The following COL12A1 variants were observed in gnomAD, a reference collection of about 807,000 sequenced individuals.
COL12A1 encodes collagen type XII alpha 1 chain.
Under a neutral mutation model 349.7 loss-of-function variants are expected in COL12A1, and 114 were observed. That is an observed-to-expected ratio of 0.33 (90% CI 0.28 to 0.38). The LOEUF is 0.38. Among genes scored for constraint, COL12A1 ranks in the 10% least tolerant of loss-of-function variants. The probability of loss-of-function intolerance (pLI) is 1.00; values close to 1 mark genes in which losing one functional copy is unlikely to be tolerated. For synonymous variants in COL12A1, 1,369 were observed against 1,329.0 expected (o/e 1.03, Z -0.66); for missense variants, 3,284 against 3,756.9 (o/e 0.87, Z 3.29).
rs7758152 is a variant in COL12A1 at position 75,106,124 on chromosome 6, C to T, written c.8178+295G>A. ...TGGCTTGTTTTGTAAAATGCTGATA[C>T]TTTACAAGCAATAAGAGGGCTTTAC... On this transcript the variant is annotated intron_variant, in intron 53 of 65. Transcript: ENST00000322507. 0.088 allele frequency among the ~76,000 whole-genome samples: 13,352 copies of T among 152,144 alleles called. 1,234 individuals carry two copies. Among genetic ancestry groups the T allele is most frequent in the African/African-American group, 0.23 (9,419 of 41,474 alleles).
intron 63 of COL12A1, 103 bp from the exon 64 acceptor site, chr6:75,089,277 G>A (rs767251164): frequency 5.0e-5 from 42 of 845,386 alleles, no homozygotes; most frequent in Non-Finnish European, 7.5e-5. Context: ...CATTTCCTTA[G>A]TGAAAGCAGA....
In COL12A1 at chr6:75,090,291, C is replaced by T. The variant is rs1297527403; in HGVS notation, c.8760G>A (p.Met2920Ile). Residue 2920 changes from methionine (M) to isoleucine (I), a missense_variant, in exon 63 of 66, where the codon ATG becomes ATA. Coordinates refer to ENST00000322507, the MANE Select transcript of COL12A1 (RefSeq NM_004370.6). The surrounding 1 kb of genome is among the most constrained non-coding windows in gnomAD (Gnocchi z 4.1). ...QVCEQLISGQ[M>I]NRFNQMLNQI... ...GATTCAGCATCTGATTGAATCTGTT[C>T]ATCTGACCTACAAGCAGAAATAAGG... 2 of 1,604,092 alleles carry T rather than the reference C, an allele frequency of 1.2e-6. No homozygotes were observed. The highest frequency in any genetic ancestry group is 2.2e-5 in the South Asian group (2 of 90,640).
At chr6:75,134,651 T>C (rs1766491148) in intron 32 of COL12A1, 75 bp downstream of exon 32, 1 of 1,331,298 alleles carries the variant, frequency 7.5e-7, no homozygotes, top group African/African-American at 1.5e-5. Context: ...GTCACCCCAG[T>C]GTTTCCAGAT....
chr6:75,144,013 C>T (rs1166084054), intron 25 of COL12A1, among the ~76,000 whole-genome samples: 1 of 152,186 alleles, frequency 6.6e-6, no homozygotes, highest in African/African-American at 2.4e-5. Context: ...TTTCCAGCTG[C>T]CCATTTGACT....
Position 75,152,206 on chromosome 6 carries a change from T to G in COL12A1, c.3760A>C (p.Asn1254His). 6.2e-7 allele frequency: 1 copy of G among 1,613,794 alleles called. No homozygotes were observed. The highest frequency in any genetic ancestry group is 8.5e-7 in the Non-Finnish European group (1 of 1,179,824). The change falls in exon 19 of 66, where the codon AAT becomes CAT. Residue 1254 changes from asparagine (N) to histidine (H), a missense_variant. Coordinates refer to ENST00000322507, the MANE Select transcript of COL12A1 (RefSeq NM_004370.6). The part of the protein sequence containing the change: ...SGDPRTEWQL[N>H]AHRDKKSLLQ... Reference sequence around the variant, plus strand: ...AAGCTCTTCTTGTCTCTGTGTGCATTTAACTGCCACTCTGTTCTGGGATCC... The same window carrying G: ...AAGCTCTTCTTGTCTCTGTGTGCATGTAACTGCCACTCTGTTCTGGGATCC...
At chr6:75,134,924 C>T in intron 31 of COL12A1, 69 bp from the exon 32 acceptor site, 1 of 1,509,016 alleles carries the variant, frequency 6.6e-7, no homozygotes, top group Non-Finnish European at 9.0e-7. Context: ...TTAGAAAAAG[C>T]TCTTTCTACA....
chr6:75,092,355 T>C (rs1222514368), intron 60 of COL12A1, among the ~76,000 whole-genome samples: 1 of 152,044 alleles, frequency 6.6e-6, no homozygotes, highest in Non-Finnish European at 1.5e-5. Context: ...AATAAAAATA[T>C]TCTACAATTA....
chr6:75,165,518 G>C lies in COL12A1; in HGVS notation c.2972C>G (p.Ala991Gly). 1 of 1,613,308 alleles carries C rather than the reference G, an allele frequency of 6.2e-7. No individual in the cohort carries two copies. Among genetic ancestry groups the C allele is most frequent in the Non-Finnish European group, 8.5e-7 (1 of 1,179,758 alleles). ...SGEGEPLTGDATTELSQDSKT... is the reference protein window; with the variant it reads ...SGEGEPLTGDGTTELSQDSKT... Reference sequence around the variant, plus strand: ...ATAATGTTACCTACATTCAGTTGTGGCATCTCCAGTCAAAGGTTCTCCTTC... The same window carrying C: ...ATAATGTTACCTACATTCAGTTGTGCCATCTCCAGTCAAAGGTTCTCCTTC... The change falls in exon 14 of 66, where the codon GCC becomes GGC. Residue 991 changes from alanine (A) to glycine (G), a missense_variant. Ala to Gly is a moderately conservative substitution (Grantham distance 60). Coordinates refer to ENST00000322507, the MANE Select transcript of COL12A1 (RefSeq NM_004370.6).
chr6:75,092,523 G>A (rs1282270780), intron 60 of COL12A1, among the ~76,000 whole-genome samples: 3 of 152,084 alleles, frequency 2.0e-5, no homozygotes, highest in African/African-American at 7.2e-5. Flanking sequence ...TTGTCTTTCA[G>A]TTATATATTT....
At chr6:75,138,198 T>C (rs1171139426) in intron 30 of COL12A1, 122 bp downstream of exon 30, 55 of 1,054,720 alleles carry the variant, frequency 5.2e-5, no homozygotes, top group Non-Finnish European at 6.7e-5. Context: ...AAAAGAGTTC[T>C]CAATGAACAT....
intron 14 of COL12A1, among the ~76,000 whole-genome samples, chr6:75,157,616 C>T (rs1767828484): frequency 1.3e-5 from 2 of 152,118 alleles, no homozygotes; most frequent in Non-Finnish European, 2.9e-5. Flanking sequence ...CAGATGGAGG[C>T]TGGTGGCCTC....
intron 13 of COL12A1, among the ~76,000 whole-genome samples, chr6:75,169,825 A>G (rs1285377036): frequency 6.6e-6 from 1 of 152,208 alleles, no homozygotes; most frequent in Non-Finnish European, 1.5e-5. Flanking sequence ...GTACCAGTAT[A>G]GGTATAAATG....
At chr6:75,102,126 T>G (rs1483999592) in intron 56 of COL12A1, 74 bp from the exon 57 acceptor site, 3 of 1,383,648 alleles carry the variant, frequency 2.2e-6, no homozygotes, top group African/African-American at 1.4e-5. Context: ...CATGAGTCAC[T>G]TATGAAATCT....
chr6:75,174,602 C>T (rs924802885), intron 13 of COL12A1, among the ~76,000 whole-genome samples: 1 of 152,124 alleles, frequency 6.6e-6, no homozygotes, highest in Non-Finnish European at 1.5e-5. Context: ...AGCTTTTATG[C>T]ATGGTAAATG....
intron 44 of COL12A1, among the ~76,000 whole-genome samples, chr6:75,121,039 G>A (rs1032773721): frequency 2.6e-5 from 4 of 152,102 alleles, no homozygotes; most frequent in African/African-American, 9.7e-5. Context: ...GTTTTAAGCA[G>A]GAAGTTAGAG....
intron 43 of COL12A1, 105 bp from the exon 44 acceptor site, chr6:75,121,546 T>A: frequency 1.5e-6 from 2 of 1,332,502 alleles, no homozygotes; most frequent in Non-Finnish European, 2.0e-6. Context: ...ACGCAAAGTG[T>A]GGTTCTGCAG....
At chr6:75,186,214 T>C (rs1582202693) in intron 8 of COL12A1, among the ~76,000 whole-genome samples, 1 of 152,148 alleles carries the variant, frequency 6.6e-6, no homozygotes, top group Non-Finnish European at 1.5e-5. Flanking sequence ...TTGCAAACTA[T>C]GCATCCAACA....
intron 33 of COL12A1, among the ~76,000 whole-genome samples, 155 bp from the exon 34 acceptor site, chr6:75,133,577 G>A (rs1203239693): frequency 6.6e-6 from 1 of 152,104 alleles, no homozygotes; most frequent in African/African-American, 2.4e-5. Context: ...TGTTACAAGA[G>A]GTTACATATT....
At chr6:75,105,364 TA>T in intron 53 of COL12A1, 72 bp from the exon 54 acceptor site, 1 of 1,002,316 alleles carries the variant, frequency 1.0e-6, no homozygotes, top group Non-Finnish European at 1.5e-6. Context: ...CACCCCCACT[TA>T]CATGCACAAG....
Sources: gnomAD v4.1 joint callset for allele counts (sites outside exome capture counted in the v4.1 genomes callset) on GRCh38, gnomAD v4.1.1 for gene constraint, Gnocchi (gnomAD v3.1) non-coding constraint, MANE v1.5 for transcripts, NCBI Gene and HGNC (gene_info 2026-07-23, HGNC 2026-07-21) for gene names.